The following WASF2 variants were observed in gnomAD, a reference collection of about 807,000 sequenced individuals.
The protein encoded by WASF2 is WASP family member 2, also known as actin-binding protein WASF2.
WASF2 carries 14 observed loss-of-function variants against 45.0 expected under a neutral mutation model. The observed-to-expected ratio is 0.31, with a 90% confidence interval of 0.21 to 0.49. The LOEUF is 0.49. Ranked by LOEUF, WASF2 falls within the 20% of genes least tolerant of loss-of-function variation. WASF2 has a pLI of 0.99. For missense variants in WASF2, 439 were observed against 636.1 expected, an observed-to-expected ratio of 0.69 and a Z score of 3.33; for synonymous variants, 200 against 236.3, an observed-to-expected ratio of 0.85 and a Z score of 1.41.
At chr1:27,486,662 G>C (rs1005210660) in intron 1 of WASF2, among the ~76,000 whole-genome samples, 15 of 152,106 alleles carry the variant, frequency 9.9e-5, no homozygotes, top group Non-Finnish European at 1.5e-5. Flanking sequence ...GGTGGCTCAC[G>C]CCTGTAATCC....
chr1:27,418,299 G>C lies in WASF2; in HGVS notation c.389C>G (p.Pro130Arg). The change falls in exon 4 of 9, where the codon CCT (proline) becomes CGT (arginine). Residue 130 changes from proline to arginine, a missense_variant. By Grantham distance (103) the Pro-to-Arg change is moderately radical (BLOSUM62 -2). Transcript: ENST00000618852. ...AGGGGTAAGATTGTTGAGAGGGGGA[G>C]GAGTATCACAGGTATTGTATGTTTC... The part of the protein sequence containing the change: ...VLETYNTCDT[P>R]PPLNNLTPYR... The C allele has an allele frequency of 6.8e-6, 11 of 1,614,188 alleles. No homozygotes were observed. Among genetic ancestry groups the C allele is most frequent in the Non-Finnish European group, 8.5e-6 (10 of 1,180,014 alleles).
Position 27,474,196 on chromosome 1 carries a change from G to A in WASF2, c.-44+15790C>T, listed in dbSNP as rs187556272. On this transcript the variant is annotated intron_variant, in intron 1 of 8. Transcript: ENST00000618852. ...CATGAGTTGATACTTGTTGAGGCTA[G>A]GAGATAGATACATAGGAGTTCATTA... 4.1e-3 allele frequency among the ~76,000 whole-genome samples: 631 copies of A among 152,248 alleles called. 2 individuals carry two copies. The highest frequency in any genetic ancestry group is 6.6e-3 in the Non-Finnish European group (446 of 68,018).
At chr1:27,454,668 C>A (rs1490457891) in intron 1 of WASF2, among the ~76,000 whole-genome samples, 2 of 152,126 alleles carry the variant, frequency 1.3e-5, no homozygotes, top group African/African-American at 2.4e-5. Flanking sequence ...GAGACAGTGT[C>A]TCACTATATT....
intron 1 of WASF2, among the ~76,000 whole-genome samples, chr1:27,462,068 G>A (rs1477698315): frequency 6.7e-6 from 1 of 148,694 alleles, no homozygotes; most frequent in Non-Finnish European, 1.5e-5. Flanking sequence ...ACCTCTGCCT[G>A]CCAGGTTGAA....
chr1:27,410,168 C>G lies in WASF2; in HGVS notation c.863G>C (p.Gly288Ala), dbSNP rs1263354312. ...GCTGACCACACTGGATCTTTTGGGT[C>G]CAGCCAAACCAGATCCTCTTTGGTT... ...VDNQRGSGLA[G>A]PKRSSVVSPS... is the part of the protein sequence containing the mutation. Residue 288 changes from glycine (G) to alanine (A), a missense_variant, in exon 8 of 9, where the codon GGA (glycine) becomes GCA (alanine). By Grantham distance (60) the Gly-to-Ala change is moderately conservative. Around this residue, in one of 5 missense-constraint regions of WASF2, gnomAD observed 286 missense variants for 373.5 expected, o/e 0.77. Transcript: ENST00000618852. This position sits in a 1 kb window ranked among gnomAD's most constrained non-coding sequence, Gnocchi z 4.2. The G allele has an allele frequency of 1.9e-6, 3 of 1,613,898 alleles. No individual in the cohort carries two copies. The highest frequency in any genetic ancestry group is 3.3e-5 in the Admixed American group (2 of 60,004).
rs373245768 is a variant in WASF2, at chr1:27,418,289, G to A, written c.399C>T (p.Leu133=). Residue 133 remains leucine (L), a synonymous_variant, in exon 4 of 9, where the codon CTC becomes CTT. Coordinates refer to ENST00000618852, the MANE Select transcript of WASF2 (RefSeq NM_006990.5). ...ATTACCTGTAAGGGGTAAGATTGTT[G>A]AGAGGGGGAGGAGTATCACAGGTAT... The part of the protein sequence containing the change: ...TYNTCDTPPP[L]NNLTPYRDDG... The A allele has an allele frequency of 6.9e-5, 111 of 1,614,046 alleles. No individual in the cohort carries two copies. The highest frequency in any genetic ancestry group is 9.2e-5 in the Non-Finnish European group (108 of 1,179,996).
chr1:27,479,680 T>C (rs983472611), intron 1 of WASF2, among the ~76,000 whole-genome samples: 20 of 151,658 alleles, frequency 1.3e-4, no homozygotes, highest in African/African-American at 3.9e-4. Flanking sequence ...GCCTGGCCAA[T>C]ATGGTGAAAC....
chr1:27,438,456 T>C (rs749981150), intron 1 of WASF2, among the ~76,000 whole-genome samples: 5 of 152,226 alleles, frequency 3.3e-5, no homozygotes, highest in Non-Finnish European at 7.3e-5. Context: ...TTTGTTTTAA[T>C]TGTTATGATG....
chr1:27,418,803 C>CA, intron 3 of WASF2, 151 bp downstream of exon 3: 1 of 962,622 alleles, frequency 1.0e-6, no homozygotes, highest in Non-Finnish European at 1.5e-6. Flanking sequence ...AGGTTCTTTC[C>CA]AGCACTCAGG....
chr1:27,441,693 G>A lies in WASF2; in HGVS notation c.-43-12760C>T, dbSNP rs186712799. Among the ~76,000 whole-genome samples, 463 of 142,472 alleles carry A rather than the reference G, an allele frequency of 3.2e-3. 2 individuals are homozygous for A. Among genetic ancestry groups the A allele is most frequent in the East Asian group, 0.017 (83 of 4,930 alleles). The allele number at this position is 142,472 out of a possible 152,430, so 93.5% of individuals were successfully genotyped here. A position where few individuals can be genotyped will look rare whatever the true frequency, so the allele number is the denominator to read the frequency against. ...GGCGGGAACCTGGGAGGCGGAGCTTGCAGTGAGCCGAGATTGCGCCACTGC... is the reference window on the plus strand; with the variant it reads ...GGCGGGAACCTGGGAGGCGGAGCTTACAGTGAGCCGAGATTGCGCCACTGC... On this transcript the variant is annotated intron_variant, in intron 1 of 8. Transcript: ENST00000618852.
intron 1 of WASF2, among the ~76,000 whole-genome samples, chr1:27,438,728 A>G (rs1219762507): frequency 6.6e-6 from 1 of 152,250 alleles, no homozygotes; most frequent in East Asian, 1.9e-4. Context: ...GTGAGGAGAG[A>G]GACCTAGCAA....
chr1:27,418,527 G>A, intron 3 of WASF2, 105 bp from the exon 4 acceptor site: 1 of 1,478,226 alleles, frequency 6.8e-7, no homozygotes, highest in Non-Finnish European at 9.2e-7. Flanking sequence ...CTTGGCTGTG[G>A]CTGTCCGCAG....
chr1:27,436,361 G>A (rs1261131183), intron 1 of WASF2, among the ~76,000 whole-genome samples: 3 of 152,156 alleles, frequency 2.0e-5, no homozygotes, highest in Non-Finnish European at 4.4e-5. Context: ...CAGGAGGACT[G>A]AGGATTGCTT....
chr1:27,433,144 A>G (rs1333597371), intron 1 of WASF2, among the ~76,000 whole-genome samples: 1 of 152,228 alleles, frequency 6.6e-6, no homozygotes, highest in Non-Finnish European at 1.5e-5. Flanking sequence ...TAAAAGTTTA[A>G]AGACAAAACT....
intron 2 of WASF2, 72 bp from the exon 3 acceptor site, chr1:27,419,160 A>G (rs2016867839): frequency 6.4e-7 from 1 of 1,571,026 alleles, no homozygotes; most frequent in Non-Finnish European, 8.7e-7. Context: ...CTGGCTACTA[A>G]AGATCGTGTT....
intron 1 of WASF2, among the ~76,000 whole-genome samples, chr1:27,445,100 G>C (rs983823533): frequency 1.3e-5 from 2 of 152,170 alleles, no homozygotes; most frequent in Non-Finnish European, 2.9e-5. Flanking sequence ...AGCAGTAGTA[G>C]CAACAGCAAC....
chr1:27,480,529 A>AT (rs1251007549), intron 1 of WASF2, among the ~76,000 whole-genome samples: 3 of 151,832 alleles, frequency 2.0e-5, no homozygotes, highest in Non-Finnish European at 4.4e-5. Context: ...AAAAAAGAAA[A>AT]TAAAAATAAA....
intron 1 of WASF2, among the ~76,000 whole-genome samples, chr1:27,454,058 T>C (rs975554325): frequency 6.6e-6 from 1 of 150,626 alleles, no homozygotes; most frequent in African/African-American, 2.4e-5. Flanking sequence ...TTATATTGTT[T>C]AGTGTCACAT....
In WASF2 at chr1:27,432,647, CAAAAAAAAA is replaced by C. The variant is rs558826790; in HGVS notation, c.-43-3723_-43-3715del. On this transcript the variant is annotated intron_variant, in intron 1 of 8. Transcript: ENST00000618852. ...TGGGCGACAGAGCGAAACTCTGTCT[CAAAAAAAAA>C]AAAAAAAAAAAAAAAGAGGCAGTTA... Among the ~76,000 whole-genome samples the C allele has an allele frequency of 2.0e-3, 102 of 51,390 alleles. 1 individual carries two copies. The highest frequency in any genetic ancestry group is 1.4e-3 in the East Asian group (2 of 1,440). 33.7% of individuals were successfully genotyped at this position (51,390 alleles called of 152,430 possible).
Sources: allele counts gnomAD v4.1 joint callset (sites outside exome capture counted in the v4.1 genomes callset), GRCh38; gene constraint gnomAD v4.1.1; regional missense constraint gnomAD v4.1.1; non-coding constraint Gnocchi (gnomAD v3.1); transcripts MANE v1.5; gene names NCBI Gene and HGNC (gene_info 2026-07-23, HGNC 2026-07-21).